The following RANBP2 variants were observed in gnomAD, a reference collection of about 807,000 sequenced individuals.
RANBP2 encodes E3 SUMO-protein ligase RanBP2.
RANBP2 carries 57 observed loss-of-function variants against 303.6 expected under a neutral mutation model. The observed-to-expected ratio is 0.19, with a 90% confidence interval of 0.15 to 0.23. RANBP2 has a LOEUF of 0.23. Among genes scored for constraint, RANBP2 ranks in the 10% least tolerant of loss-of-function variants. The probability of loss-of-function intolerance (pLI) is 1.00; values close to 1 mark genes in which losing one functional copy is unlikely to be tolerated. For missense variants in RANBP2, 3,138 were observed against 3,780.8 expected (o/e 0.83, Z 4.46); for synonymous variants, 1,167 against 1,301.5 (o/e 0.90, Z 2.23).
At chr2:109,266,235 G>A in the RANBP2 span, among the ~76,000 whole-genome samples, 1 of 151,516 alleles carries the variant, frequency 6.6e-6, no homozygotes, top group Non-Finnish European at 1.5e-5. Flanking sequence ...TGTGTATTCA[G>A]TGTGTTGTGT....
chr2:109,309,537 A>AT, the RANBP2 span, among the ~76,000 whole-genome samples: 4 of 129,160 alleles, frequency 3.1e-5, 1 homozygote, highest in Non-Finnish European at 6.2e-5. Flanking sequence ...AAATGCTCCA[A>AT]TTAAAAGACA....
chr2:108,905,649 G>A, the RANBP2 span, among the ~76,000 whole-genome samples: 1 of 152,178 alleles, frequency 6.6e-6, no homozygotes, highest in African/African-American at 2.4e-5. Flanking sequence ...GAGTCCAGCA[G>A]CAGGAAAACC....
the RANBP2 span, among the ~76,000 whole-genome samples, chr2:109,421,855 G>A: frequency 6.6e-6 from 1 of 152,200 alleles, no homozygotes; most frequent in African/African-American, 2.4e-5. Context: ...TTCCATGTGT[G>A]TTCATGGCTG....
the RANBP2 span, among the ~76,000 whole-genome samples, chr2:109,472,830 T>G: frequency 6.6e-6 from 1 of 152,174 alleles, no homozygotes; most frequent in Non-Finnish European, 1.5e-5. Flanking sequence ...CACAGCAAAG[T>G]TATCCTAATG....
chr2:109,702,864 G>T, the RANBP2 span, among the ~76,000 whole-genome samples: 4 of 151,664 alleles, frequency 2.6e-5, no homozygotes. Flanking sequence ...GGAAACAGAG[G>T]TGGGGCTGCT....
chr2:108,805,123 AT>A, the RANBP2 span: 1 of 452,776 alleles, frequency 2.2e-6, no homozygotes, highest in Non-Finnish European at 3.7e-6. Context: ...TTTGGATTAC[AT>A]TTGTTAGCTT....
chr2:109,076,221 T>C, the RANBP2 span, among the ~76,000 whole-genome samples: 2 of 150,064 alleles, frequency 1.3e-5, no homozygotes, highest in East Asian at 3.9e-4. Context: ...GCAGAAAATA[T>C]TTGAAAAAAA....
chr2:109,113,296 C>T, the RANBP2 span, among the ~76,000 whole-genome samples: 1 of 152,016 alleles, frequency 6.6e-6, no homozygotes, highest in Non-Finnish European at 1.5e-5. Flanking sequence ...TGTTTGTATC[C>T]TCTTTTATTT....
chr2:109,267,972 G>A, the RANBP2 span, among the ~76,000 whole-genome samples: 1 of 151,984 alleles, frequency 6.6e-6, no homozygotes, highest in Non-Finnish European at 1.5e-5. Flanking sequence ...TCTCAGCCCT[G>A]CTGCAGTTGT....
chr2:109,150,666 G>A, the RANBP2 span, among the ~76,000 whole-genome samples: 521 of 152,104 alleles, frequency 3.4e-3, 2 homozygotes, highest in African/African-American at 0.011. Flanking sequence ...GCTGCCTCTG[G>A]TTCCAGTCTG....
chr2:108,786,530 G>C (rs572669496), downstream of RANBP2, among the ~76,000 whole-genome samples: 2 of 152,220 alleles, frequency 1.3e-5, no homozygotes, highest in Non-Finnish European at 2.9e-5. Context: ...CTGCAGGCAG[G>C]TGCGGGGCCT....
chr2:109,071,581 T>G, the RANBP2 span, among the ~76,000 whole-genome samples: 1 of 151,674 alleles, frequency 6.6e-6, no homozygotes, highest in South Asian at 2.1e-4. Context: ...GGCTGAGGCA[T>G]GAGAATCACT....
chr2:109,592,929 G>T, the RANBP2 span: 2 of 509,636 alleles, frequency 3.9e-6, no homozygotes, highest in Non-Finnish European at 3.3e-6. Context: ...ATTAATTCAC[G>T]TTGGAGGTAA....
the RANBP2 span, among the ~76,000 whole-genome samples, chr2:109,052,638 G>T: frequency 6.0e-4 from 91 of 152,172 alleles, no homozygotes; most frequent in African/African-American, 2.1e-3. Context: ...TGTTGCACAC[G>T]AGCAACAAAG....
the RANBP2 span, among the ~76,000 whole-genome samples, chr2:109,715,988 T>C: frequency 6.6e-6 from 1 of 152,138 alleles, no homozygotes; most frequent in Non-Finnish European, 1.5e-5. Flanking sequence ...CTGAGACAGG[T>C]CTCAATTTAG....
At chr2:109,129,458 C>A in the RANBP2 span, 286 of 1,495,316 alleles carry the variant, frequency 1.9e-4, 4 homozygotes, top group African/African-American at 3.9e-3. Flanking sequence ...GCTCCCCAGT[C>A]CTGATGCTGG....
the RANBP2 span, chr2:108,875,928 GT>G: frequency 1.8e-5 from 3 of 163,522 alleles, no homozygotes; most frequent in African/African-American, 7.2e-5. Context: ...AACCTATTTT[GT>G]TTGTTTCAGC....
the RANBP2 span, among the ~76,000 whole-genome samples, chr2:109,068,559 T>G: frequency 6.6e-6 from 1 of 152,190 alleles, no homozygotes; most frequent in Admixed American, 6.5e-5. Flanking sequence ...TGTTGGTCAT[T>G]ATTATCATTA....
the RANBP2 span, among the ~76,000 whole-genome samples, chr2:109,375,884 G>T: frequency 6.6e-6 from 1 of 152,236 alleles, no homozygotes; most frequent in Admixed American, 6.5e-5. Context: ...AGGGCGATGC[G>T]GGCTTCAGAG....
Sources: gnomAD v4.1 joint callset for allele counts (sites outside exome capture counted in the v4.1 genomes callset) on GRCh38, gnomAD v4.1.1 for gene constraint, MANE v1.5 for transcripts, NCBI Gene and HGNC (gene_info 2026-07-23, HGNC 2026-07-21) for gene names.